Variants in C10orf67 observed in about 807,000 individuals in gnomAD.
C10orf67 encodes uncharacterized protein C10orf67, mitochondrial.
Under a neutral mutation model 35.6 loss-of-function variants are expected in C10orf67, and 60 were observed. The ratio of observed to expected loss-of-function variants is 1.68; its 90% CI spans 1.37 to 2.09. The LOEUF (loss-of-function observed/expected upper bound fraction) is 2.09, where lower values mean the gene tolerates loss of function less well. Among genes scored for constraint, C10orf67 ranks in the 30% most tolerant of loss-of-function variants. The pLI is 0.00. For missense variants in C10orf67, 474 were observed against 330.2 expected, an observed-to-expected ratio of 1.44 and a Z score of -3.38; for synonymous variants, 167 against 115.8, an observed-to-expected ratio of 1.44 and a Z score of -2.84.
chr10:23,255,987 A>G (rs1034214736), intron 10 of C10orf67, among the ~76,000 whole-genome samples: 1 of 152,054 alleles, frequency 6.6e-6, no homozygotes, highest in Non-Finnish European at 1.5e-5. Context: ...ATTTTGTATA[A>G]TAAGTATGTT....
Position 23,344,620 on chromosome 10 carries a change from C to G in C10orf67, c.155G>C (p.Arg52Thr). ...CTTGAATTCCCGAGCTTCTCGCTTC[C>G]TACGCGCGCAGCAGACCCGCAGCTC... is the stretch of plus-strand genomic sequence containing the variant. ...ATELRVCCAR[R>T]KREAREFKPP... The change falls in exon 1 of 16, where the codon AGG (arginine) becomes ACG (threonine). Residue 52 changes from arginine to threonine, a missense_variant. Physicochemically the swap from Arg to Thr is moderately conservative, Grantham distance 71. Transcript: ENST00000636213. 3 of 1,584,718 alleles carry G rather than the reference C, an allele frequency of 1.9e-6. No individual in the cohort carries two copies. Among genetic ancestry groups the G allele is most frequent in the South Asian group, 1.2e-5 (1 of 86,544 alleles).
intron 4 of C10orf67, among the ~76,000 whole-genome samples, chr10:23,310,247 AG>A (rs1350168634): frequency 6.6e-6 from 1 of 152,256 alleles, no homozygotes; most frequent in African/African-American, 2.4e-5. Flanking sequence ...ATGGGAAGAA[AG>A]CAAAAACCAA....
chr10:23,272,204 A>G (rs576823083), intron 8 of C10orf67, among the ~76,000 whole-genome samples: 1 of 152,348 alleles, frequency 6.6e-6, no homozygotes, highest in East Asian at 1.9e-4. Context: ...GGCGTGAGCC[A>G]CCATGCCTGG....
chr10:23,219,306 A>G (rs997382893), intron 15 of C10orf67, among the ~76,000 whole-genome samples: 1 of 152,204 alleles, frequency 6.6e-6, no homozygotes, highest in African/African-American at 2.4e-5. Context: ...AGCCACTTAA[A>G]GAGTCACTGT....
intron 13 of C10orf67, among the ~76,000 whole-genome samples, chr10:23,239,173 T>C (rs1842116633): frequency 6.6e-6 from 1 of 152,224 alleles, no homozygotes; most frequent in Non-Finnish European, 1.5e-5. Flanking sequence ...TGAAATTTAC[T>C]GGATATATTT....
At chr10:23,254,120 T>G (rs1287910545) in intron 10 of C10orf67, among the ~76,000 whole-genome samples, 1 of 152,186 alleles carries the variant, frequency 6.6e-6, no homozygotes, top group Non-Finnish European at 1.5e-5. Context: ...AGTGTTAATA[T>G]TAAAATAAAA....
chr10:23,211,013 A>C (rs538570926), intron 15 of C10orf67, among the ~76,000 whole-genome samples: 13 of 152,332 alleles, frequency 8.5e-5, no homozygotes, highest in African/African-American at 3.1e-4. Flanking sequence ...GAAGTTATTA[A>C]ATTGTTACCT....
chr10:23,263,565 G>C (rs1842806904), intron 10 of C10orf67, among the ~76,000 whole-genome samples: 1 of 152,056 alleles, frequency 6.6e-6, no homozygotes, highest in African/African-American at 2.4e-5. Context: ...TCTAAGAATG[G>C]GAACATGACT....
chr10:23,229,014 A>G (rs1045552133), intron 13 of C10orf67, among the ~76,000 whole-genome samples: 3 of 152,178 alleles, frequency 2.0e-5, no homozygotes, highest in African/African-American at 7.2e-5. Flanking sequence ...ACCATTGTGG[A>G]AGACAGTGTG....
At chr10:23,320,486 A>G (rs1053705328) in intron 4 of C10orf67, among the ~76,000 whole-genome samples, 1 of 152,194 alleles carries the variant, frequency 6.6e-6, no homozygotes, top group Non-Finnish European at 1.5e-5. Flanking sequence ...GGCCTCACCA[A>G]ATAAACTTTG....
chr10:23,212,337 C>T (rs1388356500), intron 15 of C10orf67, among the ~76,000 whole-genome samples: 2 of 152,178 alleles, frequency 1.3e-5, no homozygotes, highest in South Asian at 2.1e-4. Context: ...TTTGTGGTAG[C>T]TTGTTATGGT....
intron 13 of C10orf67, among the ~76,000 whole-genome samples, chr10:23,229,850 A>C (rs1258358541): frequency 6.6e-6 from 1 of 152,148 alleles, no homozygotes; most frequent in African/African-American, 2.4e-5. Flanking sequence ...CAAAATATAT[A>C]ACATATTTAC....
chr10:23,303,585 A>G, intron 4 of C10orf67, 126 bp from the exon 5 acceptor site: 1 of 432,394 alleles, frequency 2.3e-6, no homozygotes, highest in East Asian at 3.5e-5. Context: ...CTTTTAAGCT[A>G]CTGTTTTGTG....
chr10:23,289,762 C>T (rs970470877), intron 7 of C10orf67, 138 bp downstream of exon 7: 4 of 571,134 alleles, frequency 7.0e-6, no homozygotes, highest in African/African-American at 5.7e-5. Context: ...TCACCCTTCC[C>T]AAATAGTGGG....
At chr10:23,228,977 C>T (rs1841828503) in intron 13 of C10orf67, among the ~76,000 whole-genome samples, 1 of 152,166 alleles carries the variant, frequency 6.6e-6, no homozygotes, top group African/African-American at 2.4e-5. Context: ...CATTTTTACA[C>T]TGTTGGTGGG....
intron 2 of C10orf67, among the ~76,000 whole-genome samples, chr10:23,331,855 G>T (rs563449243): frequency 2.0e-5 from 3 of 152,204 alleles, no homozygotes; most frequent in South Asian, 2.1e-4. Flanking sequence ...TGACCAGAAC[G>T]TGGTCATTTG....
intron 13 of C10orf67, among the ~76,000 whole-genome samples, chr10:23,227,389 C>G (rs982989978): frequency 1.3e-5 from 2 of 152,080 alleles, no homozygotes; most frequent in African/African-American, 4.8e-5. Flanking sequence ...ATTCAACAGC[C>G]CTTCATGCTA....
At chr10:23,219,914 C>T (rs1270823745) in intron 15 of C10orf67, among the ~76,000 whole-genome samples, 1 of 152,096 alleles carries the variant, frequency 6.6e-6, no homozygotes, top group Non-Finnish European at 1.5e-5. Context: ...TGTCTGTAAT[C>T]GCTAGCACTT....
chr10:23,326,657 T>C (rs928743280), intron 2 of C10orf67, among the ~76,000 whole-genome samples: 5 of 152,126 alleles, frequency 3.3e-5, no homozygotes, highest in African/African-American at 9.7e-5. Flanking sequence ...CATCATGAGT[T>C]TGTAATGTAT....
Sources: gnomAD v4.1 joint callset for allele counts (sites outside exome capture counted in the v4.1 genomes callset) on GRCh38, gnomAD v4.1.1 for gene constraint, MANE v1.5 for transcripts, NCBI Gene and HGNC (gene_info 2026-07-23, HGNC 2026-07-21) for gene names.